The following ERC1 variants were observed in gnomAD, a reference collection of about 807,000 sequenced individuals.
ERC1 encodes ELKS/RAB6-interacting/CAST family member 1, also known as RAB6 interacting protein 2.
In ERC1, 56 loss-of-function variants were observed where a neutral mutation model predicts 132.0. That is an observed-to-expected ratio of 0.42 (90% confidence interval 0.34 to 0.53). ERC1 has a LOEUF of 0.53. Among genes scored for constraint, ERC1 ranks in the 20% least tolerant of loss-of-function variants. ERC1 has a pLI of 0.03. For missense variants in ERC1, 1,202 were observed against 1,349.9 expected, an observed-to-expected ratio of 0.89 and a Z score of 1.72; for synonymous variants, 478 against 476.1, an observed-to-expected ratio of 1.00 and a Z score of -0.05.
chr12:1,385,021 A>G (rs1342674071), intron 16 of ERC1, among the ~76,000 whole-genome samples: 5 of 152,246 alleles, frequency 3.3e-5, no homozygotes, highest in Non-Finnish European at 7.3e-5. Flanking sequence ...AAATCTACAT[A>G]TGCACTTTAC....
intron 12 of ERC1, among the ~76,000 whole-genome samples, chr12:1,236,109 A>G (rs1472476351): frequency 6.6e-6 from 1 of 152,006 alleles, no homozygotes; most frequent in Non-Finnish European, 1.5e-5. Flanking sequence ...AAAACATGTA[A>G]ACTATAAATG....
intron 3 of ERC1, among the ~76,000 whole-genome samples, chr12:1,099,507 G>A (rs1464891500): frequency 6.6e-6 from 1 of 152,132 alleles, no homozygotes; most frequent in Non-Finnish European, 1.5e-5. Flanking sequence ...CCAAGACTAC[G>A]TCAGGATCTC....
intron 1 of ERC1, among the ~76,000 whole-genome samples, chr12:1,011,312 C>T (rs1489823327): frequency 6.6e-6 from 1 of 152,180 alleles, no homozygotes; most frequent in Non-Finnish European, 1.5e-5. Flanking sequence ...TCAAGCTATC[C>T]TCCTACCTCA....
chr12:1,226,418 T>A (rs2074576513), intron 12 of ERC1, among the ~76,000 whole-genome samples: 1 of 152,202 alleles, frequency 6.6e-6, no homozygotes, highest in African/African-American at 2.4e-5. Context: ...TACCACTTGT[T>A]GTGTGTGTTG....
chr12:1,371,688 A>G, intron 15 of ERC1, 145 bp from the exon 16 acceptor site: 1 of 1,116,020 alleles, frequency 9.0e-7, no homozygotes, highest in South Asian at 2.0e-5. Flanking sequence ...AGTAACTTCA[A>G]AGAATTGTTG....
At chr12:1,183,560 A>G (rs974709061) in intron 11 of ERC1, 139 bp downstream of exon 11, 3 of 475,022 alleles carry the variant, frequency 6.3e-6, no homozygotes, top group Non-Finnish European at 1.1e-5. Context: ...ATCTGAATTA[A>G]TTATCTTAGC....
At chr12:1,480,107 T>A (rs953952073) in intron 18 of ERC1, among the ~76,000 whole-genome samples, 21 of 143,274 alleles carry the variant, frequency 1.5e-4, no homozygotes, top group East Asian at 5.9e-4. Context: ...TTTTTTTTTT[T>A]AAATAAAATC....
At chr12:1,480,643 A>G (rs982568098) in intron 18 of ERC1, among the ~76,000 whole-genome samples, 3 of 152,158 alleles carry the variant, frequency 2.0e-5, no homozygotes, top group Admixed American at 1.3e-4. Flanking sequence ...TTAAGTCACA[A>G]TTTAATTTGT....
intron 18 of ERC1, among the ~76,000 whole-genome samples, chr12:1,461,475 C>T (rs1315552181): frequency 6.6e-6 from 1 of 151,932 alleles, no homozygotes; most frequent in Non-Finnish European, 1.5e-5. Flanking sequence ...CGAGACCAGC[C>T]TGGCCAATGT....
At position 1,410,365 on chromosome 12, in the gene ERC1, C is replaced by T. The variant is rs555452009; in HGVS notation, c.3024+2118C>T. Reference sequence around the variant, plus strand: ...TTCCATGCTGCCCTGGGGCATTGCCCCCTTGTCATCTCTCTCCCTGTAGGA... The same window carrying T: ...TTCCATGCTGCCCTGGGGCATTGCCTCCTTGTCATCTCTCTCCCTGTAGGA... On this transcript the variant is annotated intron_variant, in intron 17 of 18. Transcript: ENST00000360905. 45 of 1,234,664 alleles carry T rather than the reference C, an allele frequency of 3.6e-5. 1 individual carries two copies. In the South Asian group the frequency reaches 5.0e-4, roughly 14 times the overall value. The allele number at this position is 1,234,664 out of a possible 1,614,324, so 76.5% of individuals were successfully genotyped here.
chr12:1,305,500 C>T (rs547283708), intron 15 of ERC1, among the ~76,000 whole-genome samples: 9 of 152,224 alleles, frequency 5.9e-5, no homozygotes, highest in African/African-American at 2.2e-4. Context: ...TTTAACCTAC[C>T]GCTCCCTCGC....
chr12:1,144,647 T>G (rs1029515077), intron 8 of ERC1, among the ~76,000 whole-genome samples: 2 of 149,550 alleles, frequency 1.3e-5, no homozygotes, highest in Non-Finnish European at 1.5e-5. Flanking sequence ...TGTATATATA[T>G]ACGTATATAT....
At chr12:1,479,165 C>G (rs1345581809) in intron 18 of ERC1, among the ~76,000 whole-genome samples, 1 of 152,088 alleles carries the variant, frequency 6.6e-6, no homozygotes, top group Non-Finnish European at 1.5e-5. Context: ...CGTGCCAGTG[C>G]TATGTGTGTG....
At chr12:1,361,117 A>T (rs866209427) in intron 15 of ERC1, among the ~76,000 whole-genome samples, 3 of 149,158 alleles carry the variant, frequency 2.0e-5, no homozygotes, top group African/African-American at 4.9e-5. Flanking sequence ...AAAAAAAAAA[A>T]GGTGGGCATG....
chr12:1,355,145 C>T (rs2085399837), intron 15 of ERC1, among the ~76,000 whole-genome samples: 1 of 152,146 alleles, frequency 6.6e-6, no homozygotes, highest in African/African-American at 2.4e-5. Flanking sequence ...TGTCACACTA[C>T]TCAAATCTCT....
intron 7 of ERC1, among the ~76,000 whole-genome samples, chr12:1,126,442 G>C (rs1948169028): frequency 6.6e-6 from 1 of 152,110 alleles, no homozygotes; most frequent in African/African-American, 2.4e-5. Flanking sequence ...AATAAAGTTG[G>C]CCACCTACTT....
chr12:1,490,408 C>A lies in ERC1; in HGVS notation c.*178C>A, dbSNP rs1265190852. 6 of 639,328 alleles carry A rather than the reference C, an allele frequency of 9.4e-6. No homozygotes were observed. The highest frequency in any genetic ancestry group is 1.6e-5 in the Non-Finnish European group (6 of 373,456). 39.6% of individuals were successfully genotyped at this position (639,328 alleles called of 1,614,324 possible). A position where few individuals can be genotyped will look rare whatever the true frequency, so the allele number is the denominator to read the frequency against. On this transcript the variant is annotated 3_prime_UTR_variant, in exon 19 of 19. Coordinates refer to ENST00000360905, the MANE Select transcript of ERC1 (RefSeq NM_178040.4). ...ACATCTGCCATCTTACTCTGCCTTT[C>A]TGCTTTGGATGTGGTCTCTACACTA...
At chr12:1,371,796 G>A in intron 15 of ERC1, 37 bp from the exon 16 acceptor site, 2 of 1,602,480 alleles carry the variant, frequency 1.2e-6, no homozygotes, top group Non-Finnish European at 1.7e-6. Context: ...TGTTGGAAGG[G>A]GTGAATGGCG....
At chr12:1,464,084 C>G (rs2093694616) in intron 18 of ERC1, among the ~76,000 whole-genome samples, 1 of 152,152 alleles carries the variant, frequency 6.6e-6, no homozygotes, top group Non-Finnish European at 1.5e-5. Flanking sequence ...AGATAAGGAA[C>G]TCTTTTACGC....
Sources: gnomAD v4.1 joint callset for allele counts (sites outside exome capture counted in the v4.1 genomes callset) on GRCh38, gnomAD v4.1.1 for gene constraint, MANE v1.5 for transcripts, NCBI Gene and HGNC (gene_info 2026-07-23, HGNC 2026-07-21) for gene names.